CADPS2: variants seen among roughly 807,000 people sequenced by gnomAD.
CADPS2 encodes the protein calcium-dependent secretion activator 2.
A neutral mutation model predicts 172.5 loss-of-function variants in CADPS2; 93 were observed. That is an observed-to-expected ratio of 0.54 (90% CI 0.46 to 0.64). The LOEUF is 0.64. Ranked by LOEUF, CADPS2 falls within the 30% of genes least tolerant of loss-of-function variation. The probability of loss-of-function intolerance (pLI) is 0.00; values close to 1 mark genes in which losing one functional copy is unlikely to be tolerated. For missense variants in CADPS2, 1,420 were observed against 1,565.9 expected (o/e 0.91, Z 1.57); for synonymous variants, 546 against 555.2 (o/e 0.98, Z 0.23).
At chr7:122,696,395 A>G (rs536901080) in intron 2 of CADPS2, among the ~76,000 whole-genome samples, 1 of 152,336 alleles carries the variant, frequency 6.6e-6, no homozygotes, top group South Asian at 2.1e-4. Context: ...TGTGTAAAAA[A>G]GCCTTTGTGT....
intron 2 of CADPS2, among the ~76,000 whole-genome samples, chr7:122,675,012 A>G (rs934314514): frequency 6.6e-6 from 1 of 152,238 alleles, no homozygotes; most frequent in African/African-American, 2.4e-5. Flanking sequence ...TTGGTTTTCC[A>G]GTATGTAAAT....
Position 122,451,478 on chromosome 7 carries a change from G to A in CADPS2, c.2187-3C>T, listed in dbSNP as rs1563374812. On this transcript the variant is annotated splice_polypyrimidine_tract_variant and splice_region_variant and intron_variant, in intron 14 of 29. Coordinates refer to ENST00000449022, the MANE Select transcript of CADPS2 (RefSeq NM_017954.11). ...AAACAGTCCCAATTCCATCAGGCCT[G>A]AAAAAAAAATCAGAATCAATAATTC... 6.2e-6 allele frequency: 9 copies of A among 1,459,666 alleles called. No individual in the cohort carries two copies. Among genetic ancestry groups the A allele is most frequent in the Admixed American group, 2.1e-5 (1 of 47,984 alleles). The allele number at this position is 1,459,666 out of a possible 1,614,324, so 90.4% of individuals were successfully genotyped here. A position where few individuals can be genotyped will look rare whatever the true frequency, so the allele number is the denominator to read the frequency against.
At chr7:122,556,986 A>G (rs934551613) in intron 7 of CADPS2, among the ~76,000 whole-genome samples, 1 of 151,950 alleles carries the variant, frequency 6.6e-6, no homozygotes, top group Non-Finnish European at 1.5e-5. Flanking sequence ...TATCATATGT[A>G]TATCTAATTC....
chr7:122,574,445 TAA>T (rs869077766), intron 7 of CADPS2, among the ~76,000 whole-genome samples: 1,398 of 38,008 alleles, frequency 0.037, 64 homozygotes, highest in East Asian at 0.32. Context: ...GACCCTGTCT[TAA>T]AAAAAAAAAA....
At chr7:122,752,994 AAATTCTGC>A (rs1351295724) in intron 1 of CADPS2, among the ~76,000 whole-genome samples, 2 of 152,168 alleles carry the variant, frequency 1.3e-5, no homozygotes, top group Non-Finnish European at 2.9e-5. Flanking sequence ...CTGAGATTGG[AAATTCTGC>A]TCTCCAAAGG....
intron 1 of CADPS2, among the ~76,000 whole-genome samples, chr7:122,770,560 T>G (rs930760788): frequency 1.3e-5 from 2 of 152,118 alleles, no homozygotes; most frequent in Non-Finnish European, 2.9e-5. Flanking sequence ...ATAAGATACT[T>G]TTGTTTCATC....
chr7:122,654,380 C>T (rs536770998), intron 3 of CADPS2, among the ~76,000 whole-genome samples: 19 of 152,272 alleles, frequency 1.2e-4, no homozygotes, highest in Non-Finnish European at 2.5e-4. Flanking sequence ...GAAGTCAATG[C>T]CTGGTTTCAA....
intron 2 of CADPS2, among the ~76,000 whole-genome samples, chr7:122,727,165 G>C (rs1267393357): frequency 1.3e-5 from 2 of 151,914 alleles, no homozygotes; most frequent in African/African-American, 4.8e-5. Context: ...TTATAAATAG[G>C]TATGAGCGTA....
intron 2 of CADPS2, chr7:122,702,406 T>TA: frequency 6.2e-7 from 1 of 1,613,752 alleles, no homozygotes; most frequent in Non-Finnish European, 8.5e-7. Flanking sequence ...CCACGTTGAT[T>TA]TTATGTGTAA....
At chr7:122,678,012 T>C (rs1013979024) in intron 2 of CADPS2, among the ~76,000 whole-genome samples, 2 of 152,216 alleles carry the variant, frequency 1.3e-5, no homozygotes, top group Non-Finnish European at 2.9e-5. Flanking sequence ...TGTATGTCTC[T>C]CTTGTTAAGA....
At chr7:122,386,452 A>G in intron 24 of CADPS2, 2 of 486,994 alleles carry the variant, frequency 4.1e-6, no homozygotes, top group Non-Finnish European at 3.6e-6. Flanking sequence ...AAATAAATCA[A>G]TTTTCACCCA....
Position 122,708,488 on chromosome 7 carries a change from T to TA in CADPS2, c.453+28466_453+28467insT, listed in dbSNP as rs1554740579. On this transcript the variant is annotated intron_variant, in intron 2 of 29. Transcript: ENST00000449022. ...TATATATATATATATATATATATAT[T>TA]GGATATGTAGATCCAAACATATTGT... 5.9e-3 allele frequency among the ~76,000 whole-genome samples: 697 copies of TA among 117,150 alleles called. 4 individuals carry two copies. The highest frequency in any genetic ancestry group is 0.01 in the Middle Eastern group (2 of 192). The allele number at this position is 117,150 out of a possible 152,430, so 76.9% of individuals were successfully genotyped here.
intron 6 of CADPS2, among the ~76,000 whole-genome samples, chr7:122,584,011 A>G (rs1245366990): frequency 6.6e-6 from 1 of 151,538 alleles, no homozygotes; most frequent in Non-Finnish European, 1.5e-5. Context: ...CTTGAGATAA[A>G]CTTTAAAAAA....
chr7:122,756,147 G>GT (rs2093151058), intron 1 of CADPS2, among the ~76,000 whole-genome samples: 1 of 152,134 alleles, frequency 6.6e-6, no homozygotes, highest in Admixed American at 6.5e-5. Context: ...TCATTGAATA[G>GT]TTACTGGTTA....
At chr7:122,599,487 T>C (rs1160830104) in intron 6 of CADPS2, among the ~76,000 whole-genome samples, 1 of 152,016 alleles carries the variant, frequency 6.6e-6, no homozygotes, top group African/African-American at 2.4e-5. Context: ...AAGGAATCCT[T>C]ACAGCTAGAA....
chr7:122,641,749 T>C (rs1399345030), intron 3 of CADPS2, among the ~76,000 whole-genome samples: 1 of 152,136 alleles, frequency 6.6e-6, no homozygotes, highest in East Asian at 1.9e-4. Context: ...GAATGGTCCA[T>C]GATTTTATTA....
intron 9 of CADPS2, among the ~76,000 whole-genome samples, chr7:122,495,288 A>G (rs1426966328): frequency 6.6e-6 from 1 of 152,160 alleles, no homozygotes; most frequent in South Asian, 2.1e-4. Flanking sequence ...ATACATACTC[A>G]CCCAAGACAA....
intron 1 of CADPS2, among the ~76,000 whole-genome samples, chr7:122,790,086 G>C (rs1794954769): frequency 7.3e-6 from 1 of 136,526 alleles, no homozygotes; most frequent in Admixed American, 7.9e-5. Context: ...AGTTTGCAAA[G>C]ATAAGATTGT....
intron 2 of CADPS2, chr7:122,676,584 C>T (rs938182215): frequency 2.3e-5 from 22 of 961,256 alleles, no homozygotes; most frequent in Non-Finnish European, 3.0e-5. Flanking sequence ...ATATCCACTT[C>T]ACACAGCATG....
Sources: allele counts gnomAD v4.1 joint callset (sites outside exome capture counted in the v4.1 genomes callset), GRCh38; gene constraint gnomAD v4.1.1; transcripts MANE v1.5; gene names NCBI Gene and HGNC (gene_info 2026-07-23, HGNC 2026-07-21).